The following PFKP variants were observed in gnomAD, a reference collection of about 807,000 sequenced individuals.
The protein encoded by PFKP is ATP-dependent 6-phosphofructokinase, platelet type.
A neutral mutation model predicts 94.3 loss-of-function variants in PFKP; 101 were observed. The ratio of observed to expected loss-of-function variants is 1.07; its 90% CI spans 0.91 to 1.26. The LOEUF is 1.26. Ranked by LOEUF, PFKP falls within the 50% of genes most tolerant of loss-of-function variation. PFKP has a pLI of 0.00. For synonymous variants in PFKP, 573 were observed against 432.6 expected, an observed-to-expected ratio of 1.32 and a Z score of -4.03; for missense variants, 1,145 against 1,103.3, an observed-to-expected ratio of 1.04 and a Z score of -0.53.
Position 3,077,289 on chromosome 10 carries a change from A to G in PFKP, c.113-5099A>G, listed in dbSNP as rs575191848. Among the ~76,000 whole-genome samples the G allele has an allele frequency of 4.3e-4, 45 of 104,878 alleles. 1 individual carries two copies. In the South Asian group the frequency reaches 0.012, roughly 29 times the overall value. 68.8% of individuals were successfully genotyped at this position (104,878 alleles called of 152,430 possible). On this transcript the variant is annotated intron_variant, in intron 1 of 21. Coordinates refer to ENST00000381125, the MANE Select transcript of PFKP (RefSeq NM_002627.5). ...TTTTTTTTTTTTTTTTTGAGATGGA[A>G]TCTCACTCTGTCACCAGGCTGGAGT... is the stretch of plus-strand genomic sequence containing the variant.
At chr10:3,093,638 C>CTTTTTTTTTTTT (rs765547765) in intron 2 of PFKP, among the ~76,000 whole-genome samples, 14 of 94,054 alleles carry the variant, frequency 1.5e-4, no homozygotes, top group African/African-American at 6.6e-4. Flanking sequence ...CAAGCATTAT[C>CTTTTTTTTTTTT]TTTTTTTTTT....
chr10:3,070,109 AGCCCGCCATGG>A (rs1832073762), intron 1 of PFKP: 1 of 152,166 alleles, frequency 6.6e-6, no homozygotes, highest in Non-Finnish European at 1.5e-5. Context: ...TCCCTGGGGA[AGCCCGCCATGG>A]CGGGTCGCCT....
chr10:3,079,294 G>T (rs1039009080), intron 1 of PFKP, among the ~76,000 whole-genome samples: 23 of 151,954 alleles, frequency 1.5e-4, no homozygotes, highest in African/African-American at 5.6e-4. Context: ...GAGTGCAGTG[G>T]CATGATCTCA....
rs1418122820 is a variant in PFKP at position 3,115,437 on chromosome 10, C to T, written c.1372-1339C>T. Among the ~76,000 whole-genome samples the T allele has an allele frequency of 3.9e-4, 11 of 27,852 alleles. 5 individuals carry two copies. In the East Asian group the frequency reaches 0.021, roughly 54 times the overall value. The allele number at this position is 27,852 out of a possible 152,430, so 18.3% of individuals were successfully genotyped here. On this transcript the variant is annotated intron_variant, in intron 13 of 21. Transcript: ENST00000381125. ...GTGTGTCCCGCCATGGAGGACAGGA[C>T]TGGGGATGCCGGGGTGAAGGTGTGT...
intron 1 of PFKP, among the ~76,000 whole-genome samples, chr10:3,071,998 C>T (rs144250610): frequency 5.1e-4 from 78 of 152,296 alleles, no homozygotes; most frequent in African/African-American, 1.8e-3. Flanking sequence ...TTCAGGGCTG[C>T]GCGTACCTGC....
chr10:3,067,759 G>A (rs758200836), intron 1 of PFKP, 52 bp downstream of exon 1: 89 of 1,021,612 alleles, frequency 8.7e-5, no homozygotes, highest in Non-Finnish European at 1.2e-4. Flanking sequence ...CGGAGCTGGG[G>A]AGAACCGGGC....
intron 16 of PFKP, chr10:3,125,037 C>T (rs1030071936): frequency 2.7e-4 from 306 of 1,153,090 alleles, no homozygotes; most frequent in Non-Finnish European, 3.2e-4. Flanking sequence ...CAGCACAGGC[C>T]CTGGGGCTGG....
rs776660669 is a variant in PFKP, at chr10:3,112,328, C to G, written c.1154+42C>G. The G allele has an allele frequency of 6.1e-6, 9 of 1,472,190 alleles. No individual in the cohort carries two copies. The South Asian group carries it at 6.8e-5, about 11-fold the overall frequency. The allele number at this position is 1,472,190 out of a possible 1,614,324, so 91.2% of individuals were successfully genotyped here. A position where few individuals can be genotyped will look rare whatever the true frequency, so the allele number is the denominator to read the frequency against. Reference sequence around the variant, plus strand: ...AAAGCTCTGCCCTGTCAGGAACACACACCCCTCAGGCCCAGCCACTGCAAA... The same window carrying G: ...AAAGCTCTGCCCTGTCAGGAACACAGACCCCTCAGGCCCAGCCACTGCAAA... On this transcript the variant is annotated intron_variant, in intron 11 of 21. Coordinates refer to ENST00000381125, the MANE Select transcript of PFKP (RefSeq NM_002627.5).
At chr10:3,101,027 G>A (rs758683282) in intron 3 of PFKP, 13 of 1,577,084 alleles carry the variant, frequency 8.2e-6, no homozygotes, top group Admixed American at 1.7e-5. Flanking sequence ...TTGGTTCCAC[G>A]TGCACCTGGT....
intron 10 of PFKP, 151 bp from the exon 11 acceptor site, chr10:3,112,071 G>A (rs990367824): frequency 3.0e-5 from 20 of 658,964 alleles, no homozygotes; most frequent in Non-Finnish European, 4.4e-5. Flanking sequence ...CTTGGCGGCC[G>A]GTCGTCTAGA....
At chr10:3,098,032 CAT>C (rs139465233) in intron 2 of PFKP, among the ~76,000 whole-genome samples, 10 of 151,916 alleles carry the variant, frequency 6.6e-5, no homozygotes, top group Non-Finnish European at 8.8e-5. Context: ...AATAAACACA[CAT>C]ATATATATAA....
At chr10:3,082,269 CAT>C in intron 1 of PFKP, 117 bp from the exon 2 acceptor site, 2 of 614,382 alleles carry the variant, frequency 3.3e-6, no homozygotes, top group South Asian at 2.5e-5. Context: ...ACCCATTTCT[CAT>C]ATTAGGAAAT....
intron 13 of PFKP, among the ~76,000 whole-genome samples, chr10:3,115,675 G>A (rs908940869): frequency 2.0e-5 from 3 of 152,178 alleles, no homozygotes; most frequent in Non-Finnish European, 4.4e-5. Context: ...TGAGCTCATG[G>A]GTTTAGGAAT....
intron 15 of PFKP, among the ~76,000 whole-genome samples, chr10:3,119,077 G>C (rs3829917): frequency 0.26 from 37,286 of 142,854 alleles, 4,850 homozygotes; most frequent in Non-Finnish European, 0.31. Flanking sequence ...CAACTTAACC[G>C]AGAAGCAAAA....
chr10:3,107,176 A>T (rs760902527), intron 7 of PFKP, 38 bp from the exon 8 acceptor site: 2 of 1,246,650 alleles, frequency 1.6e-6, no homozygotes, highest in African/African-American at 2.9e-5. Context: ...TAAGAACAGG[A>T]TTAGGAATTT....
chr10:3,073,393 C>T (rs1832343156), intron 1 of PFKP, among the ~76,000 whole-genome samples: 2 of 151,892 alleles, frequency 1.3e-5, no homozygotes, highest in South Asian at 4.2e-4. Flanking sequence ...GGCCCGTGTG[C>T]TATTTTCCCA....
chr10:3,100,893 C>G, intron 3 of PFKP: 1 of 1,175,156 alleles, frequency 8.5e-7, no homozygotes, highest in Non-Finnish European at 1.2e-6. Context: ...TCCCCCTGGC[C>G]CCAGGTTCCT....
At chr10:3,118,338 G>A (rs2131631033) in intron 14 of PFKP, among the ~76,000 whole-genome samples, 1 of 152,044 alleles carries the variant, frequency 6.6e-6, no homozygotes. Context: ...CGTGGTGGCG[G>A]GCGCCTGTAG....
At chr10:3,124,757 A>T (rs1437681878) in intron 16 of PFKP, among the ~76,000 whole-genome samples, 1 of 151,956 alleles carries the variant, frequency 6.6e-6, no homozygotes, top group Non-Finnish European at 1.5e-5. Context: ...GGCCTCCCTT[A>T]CCTACCATGA....
Sources: gnomAD v4.1 joint callset for allele counts (sites outside exome capture counted in the v4.1 genomes callset) on GRCh38, gnomAD v4.1.1 for gene constraint, MANE v1.5 for transcripts, NCBI Gene and HGNC (gene_info 2026-07-23, HGNC 2026-07-21) for gene names.